The following ARHGAP39 variants were observed in gnomAD, a reference collection of about 807,000 sequenced individuals.
The protein encoded by ARHGAP39 is rho GTPase-activating protein 39.
ARHGAP39 carries 44 observed loss-of-function variants against 106.9 expected under a neutral mutation model. That is an observed-to-expected ratio of 0.41 (90% CI 0.32 to 0.53). ARHGAP39 has a LOEUF of 0.53. Ranked by LOEUF, ARHGAP39 falls within the 20% of genes least tolerant of loss-of-function variation. The probability of loss-of-function intolerance (pLI) is 0.21; values close to 1 mark genes in which losing one functional copy is unlikely to be tolerated. For missense variants in ARHGAP39, 1,496 were observed against 1,577.3 expected, an observed-to-expected ratio of 0.95 and a Z score of 0.87; for synonymous variants, 768 against 693.2, an observed-to-expected ratio of 1.11 and a Z score of -1.69.
intron 2 of ARHGAP39, among the ~76,000 whole-genome samples, chr8:144,582,624 C>T (rs1395740442): frequency 6.6e-6 from 1 of 152,228 alleles, no homozygotes; most frequent in East Asian, 1.9e-4. Context: ...CACGTGGGGC[C>T]ATGAGGTGGG....
chr8:144,608,266 T>A (rs1464502370), intron 1 of ARHGAP39, among the ~76,000 whole-genome samples: 1 of 152,108 alleles, frequency 6.6e-6, no homozygotes, highest in Non-Finnish European at 1.5e-5. Flanking sequence ...AGCTTCAATC[T>A]TTTTGAAAAG....
At chr8:144,579,784 C>T (rs902850829) in intron 3 of ARHGAP39, among the ~76,000 whole-genome samples, 1 of 152,168 alleles carries the variant, frequency 6.6e-6, no homozygotes, top group Non-Finnish European at 1.5e-5. Context: ...AGCCCCTGGG[C>T]CTCAGCTCCC....
chr8:144,539,800 G>A (rs2130828187), intron 6 of ARHGAP39, among the ~76,000 whole-genome samples: 1 of 152,302 alleles, frequency 6.6e-6, no homozygotes, highest in African/African-American at 2.4e-5. Flanking sequence ...ACTCTCGTTA[G>A]TCTAGCTTTA....
chr8:144,660,516 G>A lies in ARHGAP39; in HGVS notation c.-82+25170C>T, dbSNP rs146463173. Among the ~76,000 whole-genome samples the A allele has an allele frequency of 2.9e-3, 446 of 152,120 alleles. 5 individuals carry two copies. The highest frequency in any genetic ancestry group is 9.8e-3 in the African/African-American group (409 of 41,530). On this transcript the variant is annotated intron_variant, in intron 1 of 11. Transcript: ENST00000377307. ...CTAGTCACTTGTCACTATGCTTAAA[G>A]TAAAGTTGAGTAATATTTAATACTC...
In ARHGAP39 at chr8:144,585,983, G is replaced by A. The variant is rs1048937666; in HGVS notation, c.81-4706C>T. On this transcript the variant is annotated intron_variant, in intron 2 of 11. Coordinates refer to ENST00000377307, the MANE Select transcript of ARHGAP39 (RefSeq NM_025251.3). The surrounding 1 kb of genome is among the most constrained non-coding windows in gnomAD (Gnocchi z 4.6). Reference sequence around the variant, plus strand: ...TACCTGACCCCCGTGACTCAGGGTAGTTTTTTAGTTTTGGAGACAGAGTCT... The same window carrying A: ...TACCTGACCCCCGTGACTCAGGGTAATTTTTTAGTTTTGGAGACAGAGTCT... 6.6e-6 allele frequency among the ~76,000 whole-genome samples: 1 copy of A among 152,016 alleles called. No homozygotes were observed. Among genetic ancestry groups the A allele is most frequent in the Non-Finnish European group, 1.5e-5 (1 of 67,976 alleles).
intron 2 of ARHGAP39, among the ~76,000 whole-genome samples, chr8:144,602,193 G>A (rs371752135): frequency 0.013 from 1,828 of 141,172 alleles, 25 homozygotes; most frequent in Admixed American, 0.029. Flanking sequence ...GTACCTGTGT[G>A]TGCATGGAGG....
chr8:144,659,668 T>C (rs1821776472), intron 1 of ARHGAP39, among the ~76,000 whole-genome samples: 1 of 152,192 alleles, frequency 6.6e-6, no homozygotes, highest in Non-Finnish European at 1.5e-5. Flanking sequence ...TTTTGCAAAA[T>C]CTTCCGGCCT....
chr8:144,643,711 ACTT>A (rs539025270), intron 1 of ARHGAP39, among the ~76,000 whole-genome samples: 39 of 152,306 alleles, frequency 2.6e-4, no homozygotes, highest in Middle Eastern at 3.4e-3. Flanking sequence ...AAGGACCAAG[ACTT>A]CTTAGACTCA....
chr8:144,541,498 A>T (rs186885981), intron 6 of ARHGAP39, among the ~76,000 whole-genome samples: 128 of 152,266 alleles, frequency 8.4e-4, no homozygotes, highest in Non-Finnish European at 1.5e-3. Flanking sequence ...GAACTTTTTC[A>T]TCTTTCCAAA....
rs1299581498 is a variant in ARHGAP39 at position 144,547,758 on chromosome 8, A to G, written c.1328T>C (p.Val443Ala). 6.3e-6 allele frequency: 10 copies of G among 1,598,506 alleles called. No individual in the cohort carries two copies. The highest frequency in any genetic ancestry group is 3.4e-5 in the Admixed American group (2 of 59,376). ...PCLLRDQRLG[V>A]KSGDYSTMEG... The stretch of plus-strand genomic sequence containing the variant: ...CATGGTGCTGTAGTCTCCGGACTTG[A>G]CGCCCAGGCGCTGGTCCCTCAGCAG... The change falls in exon 5 of 12, where the codon GTC becomes GCC. Residue 443 changes from valine (V) to alanine (A), a missense_variant. By Grantham distance (64) the Val-to-Ala change is moderately conservative (BLOSUM62 0). This residue lies in a region of ARHGAP39 where 905 missense variants were observed against 816.4 expected (regional missense o/e 1.11). Coordinates refer to ENST00000377307, the MANE Select transcript of ARHGAP39 (RefSeq NM_025251.3). This position sits in a 1 kb window ranked among gnomAD's most constrained non-coding sequence, Gnocchi z 5.2.
intron 3 of ARHGAP39, among the ~76,000 whole-genome samples, chr8:144,568,491 C>G (rs917440592): frequency 1.3e-5 from 2 of 152,102 alleles, no homozygotes; most frequent in African/African-American, 4.8e-5. Flanking sequence ...TGGATCTACA[C>G]AAGCAATCAA....
At chr8:144,558,961 C>A (rs376584769) in intron 3 of ARHGAP39, among the ~76,000 whole-genome samples, 1 of 152,034 alleles carries the variant, frequency 6.6e-6, no homozygotes, top group African/African-American at 2.4e-5. Context: ...GTAATCCCAG[C>A]ACTTTGGGAG....
intron 1 of ARHGAP39, among the ~76,000 whole-genome samples, chr8:144,614,741 G>A (rs114584984): frequency 3.9e-5 from 6 of 152,186 alleles, no homozygotes; most frequent in Non-Finnish European, 5.9e-5. Flanking sequence ...CACAGCAGCA[G>A]AGCAGCATTT....
At position 144,530,788 on chromosome 8, in the gene ARHGAP39, CGTAGT is replaced by C; in HGVS notation, c.3059_3063del (p.His1020ArgfsTer150). On this transcript the variant is annotated frameshift_variant, in exon 11 of 12. Transcript: ENST00000377307. LOFTEE classifies it high-confidence loss of function. ...ACGGCCACCGCCGCCTCGGGGCTGT[CGTAGT>C]GCGCGATGCACTGCTCGTAGAACTC... The C allele has an allele frequency of 6.2e-7, 1 of 1,611,830 alleles. No individual in the cohort carries two copies. Among genetic ancestry groups the C allele is most frequent in the Non-Finnish European group, 8.5e-7 (1 of 1,179,648 alleles).
chr8:144,624,005 T>C (rs1417970690), intron 1 of ARHGAP39, among the ~76,000 whole-genome samples: 2 of 152,208 alleles, frequency 1.3e-5, no homozygotes, highest in African/African-American at 4.8e-5. Flanking sequence ...GCGTCCCAGC[T>C]AAGACCTGGA....
chr8:144,582,701 G>A (rs1341405179), intron 2 of ARHGAP39, among the ~76,000 whole-genome samples: 2 of 152,176 alleles, frequency 1.3e-5, no homozygotes, highest in Non-Finnish European at 2.9e-5. Flanking sequence ...AGGATGAGGC[G>A]GGTGGGACTG....
intron 1 of ARHGAP39, among the ~76,000 whole-genome samples, chr8:144,617,463 G>A (rs1271586739): frequency 6.6e-6 from 1 of 152,054 alleles, no homozygotes; most frequent in Non-Finnish European, 1.5e-5. Context: ...CCGCAAACCA[G>A]GAGACCTGAG....
intron 1 of ARHGAP39, among the ~76,000 whole-genome samples, chr8:144,641,000 T>C (rs1040445418): frequency 1.3e-5 from 2 of 152,218 alleles, no homozygotes; most frequent in Non-Finnish European, 2.9e-5. Context: ...TTCATCTATA[T>C]AGACATTACT....
chr8:144,612,783 G>A (rs1213618597), intron 1 of ARHGAP39, among the ~76,000 whole-genome samples: 2 of 130,444 alleles, frequency 1.5e-5, no homozygotes, highest in African/African-American at 5.7e-5. Flanking sequence ...CCAGCCAGGG[G>A]GATAGAGTGA....
Sources: allele counts gnomAD v4.1 joint callset (sites outside exome capture counted in the v4.1 genomes callset), GRCh38; gene constraint gnomAD v4.1.1; regional missense constraint gnomAD v4.1.1; non-coding constraint Gnocchi (gnomAD v3.1); transcripts MANE v1.5; gene names NCBI Gene and HGNC (gene_info 2026-07-23, HGNC 2026-07-21).